KCNG3: variants seen among roughly 807,000 people sequenced by gnomAD.
The protein encoded by KCNG3 is voltage-gated potassium channel regulatory subunit KCNG3.
KCNG3 carries 15 observed loss-of-function variants against 29.0 expected under a neutral mutation model. The observed-to-expected ratio is 0.52, with a 90% CI of 0.35 to 0.80. KCNG3 has a LOEUF of 0.80. Ranked by LOEUF, KCNG3 falls within the 30% of genes least tolerant of loss-of-function variation. The probability of loss-of-function intolerance (pLI) is 0.01; values close to 1 mark genes in which losing one functional copy is unlikely to be tolerated. For missense variants in KCNG3, 512 were observed against 605.7 expected (o/e 0.85, Z 1.62); for synonymous variants, 322 against 248.9 (o/e 1.29, Z -2.76).
intron 1 of KCNG3, among the ~76,000 whole-genome samples, chr2:42,488,275 G>A (rs1267664855): frequency 6.6e-6 from 1 of 152,136 alleles, no homozygotes; most frequent in Non-Finnish European, 1.5e-5. Flanking sequence ...ACTTTAGATT[G>A]TGCACTGTGC....
intron 1 of KCNG3, among the ~76,000 whole-genome samples, chr2:42,450,250 G>T (rs953197741): frequency 6.6e-6 from 1 of 152,188 alleles, no homozygotes; most frequent in African/African-American, 2.4e-5. Flanking sequence ...GAGGTCCTCA[G>T]GGTTCTGCTT....
chr2:42,422,615 A>C, the KCNG3 span, among the ~76,000 whole-genome samples: 4 of 152,302 alleles, frequency 2.6e-5, no homozygotes, highest in South Asian at 2.1e-4. Context: ...CTGTTATCTA[A>C]AGAAATAGAT....
intron 1 of KCNG3, among the ~76,000 whole-genome samples, chr2:42,469,048 G>A (rs149681596): frequency 1.4e-5 from 2 of 147,928 alleles, no homozygotes; most frequent in African/African-American, 5.0e-5. Context: ...AAATTCCCAA[G>A]AAGGGTTTTC....
chr2:42,467,667 C>CA lies in KCNG3; in HGVS notation c.666-23089dup, dbSNP rs58517605. ...TGGGTGACAGAGTGAGACTCTGTTT[C>CA]AAAAAAAAAAAAAAAATTAGAACCA... On this transcript the variant is annotated intron_variant, in intron 1 of 1. Transcript: ENST00000306078. Among the ~76,000 whole-genome samples, 713 of 120,400 alleles carry CA rather than the reference C, an allele frequency of 5.9e-3. 7 individuals carry two copies. The highest frequency in any genetic ancestry group is 9.8e-3 in the African/African-American group (318 of 32,318). 79.0% of individuals were successfully genotyped at this position (120,400 alleles called of 152,430 possible).
chr2:42,393,996 G>C, the KCNG3 span, among the ~76,000 whole-genome samples: 2 of 152,080 alleles, frequency 1.3e-5, no homozygotes, highest in South Asian at 2.1e-4. Context: ...GGCCAGACTG[G>C]TCTTGAACTC....
chr2:42,390,863 C>A, the KCNG3 span, among the ~76,000 whole-genome samples: 1 of 152,218 alleles, frequency 6.6e-6, no homozygotes, highest in East Asian at 1.9e-4. Flanking sequence ...TTTTCATTTC[C>A]CCTCATTTTC....
chr2:42,484,353 T>G (rs1202371930), intron 1 of KCNG3, among the ~76,000 whole-genome samples: 1 of 152,040 alleles, frequency 6.6e-6, no homozygotes, highest in African/African-American at 2.4e-5. Context: ...TCCCAGCTAC[T>G]CGGGGGGCTG....
chr2:42,454,605 G>A (rs891894258), intron 1 of KCNG3, among the ~76,000 whole-genome samples: 3 of 152,022 alleles, frequency 2.0e-5, no homozygotes, highest in Admixed American at 6.6e-5. Context: ...CCAGCTACTC[G>A]GGAGGCTGAG....
intron 1 of KCNG3, among the ~76,000 whole-genome samples, chr2:42,467,355 G>C (rs374701754): frequency 1.3e-5 from 2 of 152,086 alleles, no homozygotes; most frequent in Non-Finnish European, 2.9e-5. Context: ...TAAAAAAGCA[G>C]TCACCAACTC....
chr2:42,407,989 C>A, the KCNG3 span, among the ~76,000 whole-genome samples: 3 of 152,370 alleles, frequency 2.0e-5, no homozygotes, highest in South Asian at 6.2e-4. Flanking sequence ...CTTCTCCCTG[C>A]TGTTGGTGCC....
At chr2:42,409,729 A>AT in the KCNG3 span, among the ~76,000 whole-genome samples, 26 of 76,432 alleles carry the variant, frequency 3.4e-4, no homozygotes, top group African/African-American at 9.2e-4. Flanking sequence ...AAAAAAAAAA[A>AT]TTTTTTTTTA....
At chr2:42,448,765 G>A (rs563465203) in intron 1 of KCNG3, among the ~76,000 whole-genome samples, 5 of 152,158 alleles carry the variant, frequency 3.3e-5, no homozygotes, top group South Asian at 2.1e-4. Flanking sequence ...CGAAGCGGGC[G>A]GATCATGAGG....
chr2:42,483,008 C>G (rs1673630091), intron 1 of KCNG3, among the ~76,000 whole-genome samples: 1 of 151,968 alleles, frequency 6.6e-6, no homozygotes, highest in Admixed American at 6.6e-5. Flanking sequence ...GTAGTCCCAG[C>G]TACTTGGGAG....
At chr2:42,463,223 G>A in intron 1 of KCNG3, 4 of 337,200 alleles carry the variant, frequency 1.2e-5, no homozygotes, top group Admixed American at 1.0e-4. Context: ...GCATCAGCTT[G>A]ATACTTGGCT....
In KCNG3 at chr2:42,493,544, A is replaced by T. The variant is rs1440755164; in HGVS notation, c.-43T>A. 9.8e-6 allele frequency: 13 copies of T among 1,327,256 alleles called. No homozygotes were observed. Among genetic ancestry groups the T allele is most frequent in the South Asian group, 2.1e-5 (1 of 46,716 alleles). The allele number at this position is 1,327,256 out of a possible 1,614,324, so 82.2% of individuals were successfully genotyped here. A position where few individuals can be genotyped will look rare whatever the true frequency, so the allele number is the denominator to read the frequency against. ...ACTTTCGGCCCGAGGGCCCCGCTGCAGCCCCCCACCCCAAGCCGCCACGCG... is the reference window on the plus strand; with the variant it reads ...ACTTTCGGCCCGAGGGCCCCGCTGCTGCCCCCCACCCCAAGCCGCCACGCG... On this transcript the variant is annotated 5_prime_UTR_variant, in exon 1 of 2. Coordinates refer to ENST00000306078, the MANE Select transcript of KCNG3 (RefSeq NM_133329.6).
chr2:42,484,697 C>G (rs1448365705), intron 1 of KCNG3, among the ~76,000 whole-genome samples: 3 of 152,122 alleles, frequency 2.0e-5, no homozygotes, highest in Non-Finnish European at 4.4e-5. Context: ...GAAGAAAGTT[C>G]TAATTTTACA....
intron 1 of KCNG3, among the ~76,000 whole-genome samples, chr2:42,468,681 G>A (rs940308734): frequency 7.9e-5 from 12 of 152,030 alleles, no homozygotes; most frequent in African/African-American, 2.4e-4. Flanking sequence ...CAGGCTGGGC[G>A]CAGTGTCTCA....
chr2:42,447,084 A>C lies in KCNG3; in HGVS notation c.666-2505T>G, dbSNP rs991902137. ...GTGTGACAGACAGCAAACCTGCCTC[A>C]AAAAAAAAAAGGGATGAGGAAGGGG... On this transcript the variant is annotated intron_variant, in intron 1 of 1. Coordinates refer to ENST00000306078, the MANE Select transcript of KCNG3 (RefSeq NM_133329.6). Among the ~76,000 whole-genome samples, 4 of 143,740 alleles carry C rather than the reference A, an allele frequency of 2.8e-5. 1 individual carries two copies. Among genetic ancestry groups the C allele is most frequent in the African/African-American group, 1.0e-4 (4 of 38,992 alleles). 94.3% of individuals were successfully genotyped at this position (143,740 alleles called of 152,430 possible). A position where few individuals can be genotyped will look rare whatever the true frequency, so the allele number is the denominator to read the frequency against.
At chr2:42,447,611 G>A (rs1031651606) in intron 1 of KCNG3, among the ~76,000 whole-genome samples, 5 of 151,964 alleles carry the variant, frequency 3.3e-5, no homozygotes, top group African/African-American at 1.2e-4. Context: ...AAATGCCCAG[G>A]CTCAAGCGAT....
Sources: allele counts gnomAD v4.1 joint callset (sites outside exome capture counted in the v4.1 genomes callset), GRCh38; gene constraint gnomAD v4.1.1; transcripts MANE v1.5; gene names NCBI Gene and HGNC (gene_info 2026-07-23, HGNC 2026-07-21).